The following NCS1 variants were observed in gnomAD, a reference collection of about 807,000 sequenced individuals.
NCS1 encodes neuronal calcium sensor 1.
In NCS1, 6 loss-of-function variants were observed where a neutral mutation model predicts 28.4. The observed-to-expected ratio is 0.21, with a 90% CI of 0.12 to 0.42. The LOEUF (loss-of-function observed/expected upper bound fraction) is 0.42. NCS1 is among the 10% of genes least tolerant of loss of function. NCS1 has a pLI of 1.00. For synonymous variants in NCS1, 86 were observed against 99.3 expected (o/e 0.87, Z 0.79); for missense variants, 131 against 241.4 (o/e 0.54, Z 3.03).
At position 130,180,401 on chromosome 9, in the gene NCS1, A is replaced by G. The variant is rs1028125441; in HGVS notation, c.64+7674A>G. ...TCATCTTGCCCCAGATATCTCTAGCACTCTGGTAAGAAAAAAAGCCAATAT... is the reference window on the plus strand; with the variant it reads ...TCATCTTGCCCCAGATATCTCTAGCGCTCTGGTAAGAAAAAAAGCCAATAT... On this transcript the variant is annotated intron_variant, in intron 1 of 7. Transcript: ENST00000372398. The surrounding 1 kb of genome is among the most constrained non-coding windows in gnomAD (Gnocchi z 4.5). Among the ~76,000 whole-genome samples the G allele has an allele frequency of 6.6e-6, 1 of 152,064 alleles. No individual in the cohort carries two copies. Among genetic ancestry groups the G allele is most frequent in the Admixed American group, 6.6e-5 (1 of 15,250 alleles).
Position 130,223,120 on chromosome 9 carries a change from T to G in NCS1, c.435T>G (p.Pro145=). 6.2e-7 allele frequency: 1 copy of G among 1,608,230 alleles called. No individual in the cohort carries two copies. Among genetic ancestry groups the G allele is most frequent in the Non-Finnish European group, 8.5e-7 (1 of 1,178,214 alleles). The part of the protein sequence containing the change: ...TVELPEEENT[P]EKRVDRIFAM... Reference sequence around the variant, plus strand: ...AGCTCCCAGAGGAGGAGAACACTCCTGAGAAGAGGGTGGACCGGATCTTTG... The same window carrying G: ...AGCTCCCAGAGGAGGAGAACACTCCGGAGAAGAGGGTGGACCGGATCTTTG... The change falls in exon 6 of 8, where the codon CCT becomes CCG. Residue 145 remains proline (P), a synonymous_variant. Coordinates refer to ENST00000372398, the MANE Select transcript of NCS1 (RefSeq NM_014286.4).
chr9:130,202,831 C>T (rs1588116347), intron 2 of NCS1, among the ~76,000 whole-genome samples: 1 of 151,952 alleles, frequency 6.6e-6, no homozygotes, highest in Non-Finnish European at 1.5e-5. Context: ...CCACCCACCT[C>T]GGCCTCCCAA....
At position 130,175,885 on chromosome 9, in the gene NCS1, T is replaced by G. The variant is rs1832557146; in HGVS notation, c.64+3158T>G. Among the ~76,000 whole-genome samples the G allele has an allele frequency of 6.6e-6, 1 of 152,168 alleles. No homozygotes were observed. Among genetic ancestry groups the G allele is most frequent in the Non-Finnish European group, 1.5e-5 (1 of 68,026 alleles). The stretch of plus-strand genomic sequence containing the variant: ...TGCGGGCGGCCCAGTTTCTTTCAGG[T>G]CTGGCCCACTCTCTTCCAACCTGCT... On this transcript the variant is annotated intron_variant, in intron 1 of 7. Transcript: ENST00000372398. The surrounding 1 kb of genome is among the most constrained non-coding windows in gnomAD (Gnocchi z 4.9).
rs1199334339 is a variant in NCS1 at position 130,237,042 on chromosome 9, A to C, written c.*4070A>C. ...TGCCACTTGGGGGAGAAATTGGTAT[A>C]ATGCTTGCAAAAACAAACAAACAAA... On this transcript the variant is annotated 3_prime_UTR_variant, in exon 8 of 8. Transcript: ENST00000372398. 1 of 152,214 alleles carries C rather than the reference A, an allele frequency of 6.6e-6. No individual in the cohort carries two copies. Among genetic ancestry groups the C allele is most frequent in the Non-Finnish European group, 1.5e-5 (1 of 68,098 alleles). The allele number at this position is 152,214 out of a possible 1,614,324, so 9.4% of individuals were successfully genotyped here.
At chr9:130,188,998 T>A (rs1798543878) in intron 1 of NCS1, among the ~76,000 whole-genome samples, 1 of 152,254 alleles carries the variant, frequency 6.6e-6, no homozygotes, top group Admixed American at 6.5e-5. Flanking sequence ...ATTACAGGCA[T>A]GAGCCACTGG....
At chr9:130,206,227 G>A (rs781784209) in intron 2 of NCS1, among the ~76,000 whole-genome samples, 23 of 151,976 alleles carry the variant, frequency 1.5e-4, no homozygotes, top group Non-Finnish European at 2.4e-4. Context: ...GGTTAACCAC[G>A]AGCCTGCCTA....
At position 130,200,968 on chromosome 9, in the gene NCS1, G is replaced by C. The variant is rs1554907419; in HGVS notation, c.75G>C (p.Lys25Asn). Residue 25 changes from lysine to asparagine, a missense_variant, in exon 2 of 8, where the codon AAG becomes AAC. By Grantham distance (94) the Lys-to-Asn change is moderately conservative. Coordinates refer to ENST00000372398, the MANE Select transcript of NCS1 (RefSeq NM_014286.4). ...ELTRKTYFTE[K>N]EVQQWYKGFI... is the part of the protein sequence containing the mutation. Reference sequence around the variant, plus strand: ...TGCTTTCTCTTGCAGTTACCGAGAAGGAGGTCCAGCAGTGGTGAGTAGCTG... The same window carrying C: ...TGCTTTCTCTTGCAGTTACCGAGAACGAGGTCCAGCAGTGGTGAGTAGCTG... The C allele has an allele frequency of 6.2e-7, 1 of 1,614,240 alleles. No individual in the cohort carries two copies. Among genetic ancestry groups the C allele is most frequent in the Non-Finnish European group, 8.5e-7 (1 of 1,180,050 alleles).
chr9:130,174,535 G>A (rs1311963285), intron 1 of NCS1, among the ~76,000 whole-genome samples: 5 of 152,142 alleles, frequency 3.3e-5, no homozygotes, highest in African/African-American at 1.2e-4. Context: ...TTCAGAGCTC[G>A]TGCCAAGAGC....
At chr9:130,212,533 G>A (rs1833126866) in intron 2 of NCS1, among the ~76,000 whole-genome samples, 2 of 150,174 alleles carry the variant, frequency 1.3e-5, no homozygotes, top group Middle Eastern at 6.8e-3. Flanking sequence ...CAGGGAAACC[G>A]AGGGGCGTTG....
At chr9:130,189,879 A>AATATATATATAT (rs1203988125) in intron 1 of NCS1, among the ~76,000 whole-genome samples, 5 of 37,744 alleles carry the variant, frequency 1.3e-4, no homozygotes, top group East Asian at 8.5e-4. Flanking sequence ...AAAAAAAAAA[A>AATATATATATAT]ATATATATAT....
intron 2 of NCS1, among the ~76,000 whole-genome samples, chr9:130,217,006 A>G (rs879958567): frequency 6.6e-6 from 1 of 152,154 alleles, no homozygotes. Context: ...TCTAAAGATC[A>G]CACTCTCGAC....
chr9:130,201,467 C>T (rs1353085007), intron 2 of NCS1, among the ~76,000 whole-genome samples: 1 of 152,024 alleles, frequency 6.6e-6, no homozygotes, highest in Non-Finnish European at 1.5e-5. Flanking sequence ...ATTCCGAGGC[C>T]GTACGTCATG....
intron 4 of NCS1, among the ~76,000 whole-genome samples, chr9:130,221,405 T>G (rs1423412739): frequency 0.13 from 5,411 of 40,590 alleles, 148 homozygotes; most frequent in Non-Finnish European, 0.17. Context: ...TATATATATA[T>G]ATATATATAG....
intron 7 of NCS1, among the ~76,000 whole-genome samples, chr9:130,230,843 A>T (rs191190499): frequency 7.6e-4 from 111 of 146,832 alleles, no homozygotes; most frequent in African/African-American, 2.6e-3. Context: ...AATTCAAGAC[A>T]TCATCATACT....
intron 1 of NCS1, among the ~76,000 whole-genome samples, chr9:130,184,772 C>T (rs542926908): frequency 2.1e-4 from 31 of 150,220 alleles, no homozygotes; most frequent in African/African-American, 5.1e-4. Flanking sequence ...GGATTACAGG[C>T]GTGCACCACC....
In NCS1 at chr9:130,191,944, C is replaced by T. The variant is rs999251035; in HGVS notation, c.65-9014C>T. Among the ~76,000 whole-genome samples, 8 of 152,256 alleles carry T rather than the reference C, an allele frequency of 5.3e-5. No individual in the cohort carries two copies. Among genetic ancestry groups the T allele is most frequent in the East Asian group, 1.9e-4 (1 of 5,160 alleles). On this transcript the variant is annotated intron_variant, in intron 1 of 7. Coordinates refer to ENST00000372398, the MANE Select transcript of NCS1 (RefSeq NM_014286.4). The surrounding 1 kb of genome is among the most constrained non-coding windows in gnomAD (Gnocchi z 6.4). The stretch of plus-strand genomic sequence containing the variant: ...GGACACCACTCCCACAGTGGGGACA[C>T]GTGATGGGGGGCTGGAGGGCAGAAG...
rs529840802 is a variant in NCS1, at chr9:130,236,091, T to C, written c.*3119T>C. 2 of 152,374 alleles carry C rather than the reference T, an allele frequency of 1.3e-5. No homozygotes were observed. The highest frequency in any genetic ancestry group is 4.8e-5 in the African/African-American group (2 of 41,576). 9.4% of individuals were successfully genotyped at this position (152,374 alleles called of 1,614,324 possible). A position where few individuals can be genotyped will look rare whatever the true frequency, so the allele number is the denominator to read the frequency against. ...TGTACTGACATCTCTTCCCCTGAAA[T>C]GCTTTTCAGTTTGACAGCCCGTTTC... On this transcript the variant is annotated 3_prime_UTR_variant, in exon 8 of 8. Transcript: ENST00000372398.
chr9:130,176,797 C>T, intron 1 of NCS1, among the ~76,000 whole-genome samples: 1 of 152,246 alleles, frequency 6.6e-6, no homozygotes, highest in Non-Finnish European at 1.5e-5. Flanking sequence ...GAATCCCTGG[C>T]CTCAGGAGGA....
At chr9:130,185,258 G>A (rs889699729) in intron 1 of NCS1, among the ~76,000 whole-genome samples, 16 of 152,260 alleles carry the variant, frequency 1.1e-4, no homozygotes, top group African/African-American at 2.9e-4. Flanking sequence ...ACTGCGTCTC[G>A]TTGCGTGGCT....
Sources: allele counts gnomAD v4.1 joint callset (sites outside exome capture counted in the v4.1 genomes callset), GRCh38; gene constraint gnomAD v4.1.1; non-coding constraint Gnocchi (gnomAD v3.1); transcripts MANE v1.5; gene names NCBI Gene and HGNC (gene_info 2026-07-23, HGNC 2026-07-21).